Variants in CLASP1 observed in about 807,000 individuals in gnomAD.
The protein encoded by CLASP1 is CLIP-associating protein 1.
A neutral mutation model predicts 192.3 loss-of-function variants in CLASP1; 38 were observed. That is an observed-to-expected ratio of 0.20 (90% CI 0.15 to 0.26). The LOEUF (loss-of-function observed/expected upper bound fraction) is 0.26, where lower values mean the gene tolerates loss of function less well. Among genes scored for constraint, CLASP1 ranks in the 10% least tolerant of loss-of-function variants. The probability of loss-of-function intolerance (pLI) is 1.00; values close to 1 mark genes in which losing one functional copy is unlikely to be tolerated. For synonymous variants in CLASP1, 691 were observed against 712.8 expected, an observed-to-expected ratio of 0.97 and a Z score of 0.49; for missense variants, 1,433 against 1,932.5, an observed-to-expected ratio of 0.74 and a Z score of 4.85.
chr2:121,478,635 A>C (rs2091961933), intron 8 of CLASP1, among the ~76,000 whole-genome samples: 1 of 106,342 alleles, frequency 9.4e-6, no homozygotes, highest in African/African-American at 4.1e-5. Context: ...ACACATACAC[A>C]CACACACACC....
chr2:121,479,757 T>A (rs1334252007), intron 8 of CLASP1, among the ~76,000 whole-genome samples: 4 of 152,166 alleles, frequency 2.6e-5, no homozygotes, highest in African/African-American at 9.7e-5. Context: ...TAGGGCCGGT[T>A]CTACCACTCT....
chr2:121,419,262 A>G (rs1451439003), intron 22 of CLASP1, among the ~76,000 whole-genome samples: 1 of 152,230 alleles, frequency 6.6e-6, no homozygotes, highest in Non-Finnish European at 1.5e-5. Flanking sequence ...CTTCACCAAG[A>G]GAAGCCATAA....
At chr2:121,524,590 G>A (rs149851939) in intron 6 of CLASP1, among the ~76,000 whole-genome samples, 1 of 152,054 alleles carries the variant, frequency 6.6e-6, no homozygotes, top group African/African-American at 2.4e-5. Flanking sequence ...CCAAGTAGCT[G>A]CGATCACAGG....
chr2:121,469,448 T>C (rs546571694), intron 9 of CLASP1, among the ~76,000 whole-genome samples: 1 of 152,214 alleles, frequency 6.6e-6, no homozygotes, highest in Non-Finnish European at 1.5e-5. Context: ...TAAATAGAAA[T>C]TGTCTAAAAT....
chr2:121,500,183 C>G (rs1325845842), intron 8 of CLASP1, among the ~76,000 whole-genome samples: 1 of 151,226 alleles, frequency 6.6e-6, no homozygotes, highest in African/African-American at 2.4e-5. Flanking sequence ...ATGAATGGAT[C>G]TAGAGAAAAC....
intron 7 of CLASP1, among the ~76,000 whole-genome samples, chr2:121,510,552 A>G (rs1315746415): frequency 2.0e-5 from 3 of 152,198 alleles, no homozygotes; most frequent in Admixed American, 1.3e-4. Flanking sequence ...AGTGACCCCT[A>G]ACAAGTAGAG....
Position 121,608,149 on chromosome 2 carries a change from C to T in CLASP1, c.-285-1969G>A, listed in dbSNP as rs1185432117. Reference sequence around the variant, plus strand: ...TTATCCTTCATTCCAATTTTTAGTACAAATGTAATACTTGCAGTTCCTTTA... The same window carrying T: ...TTATCCTTCATTCCAATTTTTAGTATAAATGTAATACTTGCAGTTCCTTTA... On this transcript the variant is annotated intron_variant, in intron 1 of 39. Transcript: ENST00000263710. Among the ~76,000 whole-genome samples, 3 of 152,180 alleles carry T rather than the reference C, an allele frequency of 2.0e-5. No individual in the cohort carries two copies. In the East Asian group the frequency reaches 5.8e-4, roughly 29 times the overall value.
At chr2:121,629,528 C>T (rs959205019) in intron 1 of CLASP1, among the ~76,000 whole-genome samples, 1 of 151,446 alleles carries the variant, frequency 6.6e-6, no homozygotes, top group East Asian at 2.0e-4. Flanking sequence ...CGGTGGCTCA[C>T]GCCGGTAATC....
At position 121,530,922 on chromosome 2, in the gene CLASP1, A is replaced by T. The variant is rs553096682; in HGVS notation, c.196-597T>A. The T allele has an allele frequency of 7.3e-5, 51 of 699,832 alleles. 1 individual carries two copies. The highest frequency in any genetic ancestry group is 1.5e-4 in the South Asian group (10 of 67,494). 43.4% of individuals were successfully genotyped at this position (699,832 alleles called of 1,614,324 possible). On this transcript the variant is annotated intron_variant, in intron 2 of 39. Coordinates refer to ENST00000263710, the Ensembl canonical transcript of CLASP1. ...GGTTGCGCTACTGTCCAATGAGCGC[A>T]TAGTGAGGGCAGTACTGCTAACGCC...
chr2:121,531,147 G>A (rs1051180295), intron 2 of CLASP1: 12 of 613,614 alleles, frequency 2.0e-5, no homozygotes, highest in South Asian at 1.7e-4. Flanking sequence ...AGTTTTTGCG[G>A]TGATTAAACG....
rs190313135 is a variant in CLASP1 at position 121,529,900 on chromosome 2, T to A, written c.274+347A>T. Among the ~76,000 whole-genome samples, 818 of 152,142 alleles carry A rather than the reference T, an allele frequency of 5.4e-3. 4 individuals are homozygous for A. Among genetic ancestry groups the A allele is most frequent in the Admixed American group, 9.0e-3 (138 of 15,284 alleles). On this transcript the variant is annotated intron_variant, in intron 3 of 39. Transcript: ENST00000263710. ...GTGACAGCTAATTTAGCATAAGAAA[T>A]AAAAATGGCACTAATATTTCATATT... is the stretch of plus-strand genomic sequence containing the variant.
At chr2:121,627,520 T>C (rs2068610359) in intron 1 of CLASP1, among the ~76,000 whole-genome samples, 2 of 152,072 alleles carry the variant, frequency 1.3e-5, no homozygotes, top group African/African-American at 4.8e-5. Context: ...TTAGGAAACA[T>C]GGAAAAAAGA....
intron 30 of CLASP1, among the ~76,000 whole-genome samples, chr2:121,389,900 T>C (rs904330100): frequency 6.6e-5 from 10 of 152,188 alleles, no homozygotes; most frequent in East Asian, 3.9e-4. Context: ...AGGGGTCTCA[T>C]TGCCCAGGCT....
At chr2:121,499,876 A>T (rs2093673582) in intron 8 of CLASP1, among the ~76,000 whole-genome samples, 1 of 152,176 alleles carries the variant, frequency 6.6e-6, no homozygotes, top group South Asian at 2.1e-4. Flanking sequence ...GATAAAGAAC[A>T]TCTACAAAAA....
At position 121,501,803 on chromosome 2, in the gene CLASP1, T is replaced by C. The variant is rs568418612; in HGVS notation, c.712+1364A>G. Among the ~76,000 whole-genome samples the C allele has an allele frequency of 1.7e-4, 26 of 152,288 alleles. No homozygotes were observed. In the South Asian group the frequency reaches 5.4e-3, roughly 32 times the overall value. ...TGAGGAAAAGCGCTCAGACTTCTCT[T>C]TACAATCTCAAGATATTCAAAATGT... On this transcript the variant is annotated intron_variant, in intron 8 of 39. Transcript: ENST00000263710.
rs1450556307 is a variant in CLASP1, at chr2:121,387,921, C to A, written c.3124-15G>T. On this transcript the variant is annotated splice_polypyrimidine_tract_variant and intron_variant, in intron 30 of 39. Transcript: ENST00000263710. ...ATCTGTGCTGCCTAGAAAAAGGAAC[C>A]ATGATTAATTTATGTAATGTACAAT... is the stretch of plus-strand genomic sequence containing the variant. The A allele has an allele frequency of 2.5e-6, 4 of 1,593,328 alleles. No individual in the cohort carries two copies. The highest frequency in any genetic ancestry group is 3.4e-5 in the Admixed American group (2 of 59,506).
chr2:121,503,272 C>A (rs1028983850), intron 7 of CLASP1, 38 bp from the exon 8 acceptor site: 9 of 1,156,268 alleles, frequency 7.8e-6, no homozygotes, highest in Non-Finnish European at 1.0e-5. Flanking sequence ...TATTAACCAT[C>A]ACTGCTCATA....
intron 6 of CLASP1, among the ~76,000 whole-genome samples, chr2:121,524,483 G>C (rs2094528633): frequency 6.8e-6 from 1 of 147,088 alleles, no homozygotes; most frequent in South Asian, 2.1e-4. Context: ...TAAAGAAAAA[G>C]TCTTGCTGGG....
chr2:121,465,374 T>C (rs1031642561), intron 9 of CLASP1, among the ~76,000 whole-genome samples: 4 of 152,000 alleles, frequency 2.6e-5, no homozygotes, highest in Non-Finnish European at 4.4e-5. Context: ...TATACACCAA[T>C]AACAGACAAA....
Sources: gnomAD v4.1 joint callset for allele counts (sites outside exome capture counted in the v4.1 genomes callset) on GRCh38, gnomAD v4.1.1 for gene constraint, MANE v1.5 for transcripts, NCBI Gene and HGNC (gene_info 2026-07-23, HGNC 2026-07-21) for gene names.